COL1A1: variants seen among roughly 807,000 people sequenced by gnomAD.
COL1A1 encodes the protein collagen alpha-1(I) chain.
COL1A1 carries 21 observed loss-of-function variants against 195.7 expected under a neutral mutation model. That is an observed-to-expected ratio of 0.11 (90% confidence interval 0.08 to 0.15). The LOEUF (loss-of-function observed/expected upper bound fraction) is 0.15. COL1A1 is among the 10% of genes least tolerant of loss of function. The probability of loss-of-function intolerance (pLI) is 1.00; values close to 1 mark genes in which losing one functional copy is unlikely to be tolerated. For missense variants in COL1A1, 1,365 were observed against 2,051.0 expected, an observed-to-expected ratio of 0.67 and a Z score of 6.46; for synonymous variants, 749 against 747.3, an observed-to-expected ratio of 1.00 and a Z score of -0.04.
rs902407269 is a variant in COL1A1, at chr17:50,185,837, C to G, written c.4189G>C (p.Glu1397Gln). 1 of 1,613,990 alleles carries G rather than the reference C, an allele frequency of 6.2e-7. No individual in the cohort carries two copies. Among genetic ancestry groups the G allele is most frequent in the Non-Finnish European group, 8.5e-7 (1 of 1,180,044 alleles). ...ALLLQGSNEI[E>Q]IRAEGNSRFT... ...CGGCTGTTGCCCTCGGCGCGGATCT[C>G]GATCTCGTTGGAGCCCTGGAGGAGC... The change falls in exon 50 of 51, where the codon GAG becomes CAG. Residue 1397 changes from glutamate (E) to glutamine (Q), a missense_variant. This residue lies in a region of COL1A1 where 273 missense variants were observed against 338.6 expected (regional missense o/e 0.81). Coordinates refer to ENST00000225964, the MANE Select transcript of COL1A1 (RefSeq NM_000088.4).
In COL1A1 at chr17:50,187,469, G is replaced by A; in HGVS notation, c.3423+15C>T. ...GCTTGGGGCTCAGGAAGAGGAGAGA[G>A]AAGGCATGACTTACTCGGGGACCAG... On this transcript the variant is annotated intron_variant, in intron 46 of 50. Transcript: ENST00000225964. 6.2e-7 allele frequency: 1 copy of A among 1,613,990 alleles called. No individual in the cohort carries two copies.
chr17:50,192,105 T>C (rs929661280), intron 29 of COL1A1, 81 bp from the exon 30 acceptor site: 1 of 1,478,354 alleles, frequency 6.8e-7, no homozygotes, highest in East Asian at 2.3e-5. Context: ...TCCTTCCTCC[T>C]GGGGTCTGGC....
chr17:50,196,998 A>G lies in COL1A1; in HGVS notation c.804+12T>C, dbSNP rs1027400543. ...GGACTTGGGGAGCTTAAATGACTCA[A>G]AGGTGACTCACTCTGTGTCCCTTCA... On this transcript the variant is annotated intron_variant, in intron 11 of 50. Transcript: ENST00000225964. The G allele has an allele frequency of 2.5e-6, 4 of 1,613,878 alleles. No individual in the cohort carries two copies. In the African/African-American group the frequency reaches 5.3e-5, roughly 22 times the overall value.
chr17:50,184,818 T>TCGTG lies in COL1A1; in HGVS notation c.*680_*683dup, dbSNP rs1555571345. 1.6e-3 allele frequency: 253 copies of TCGTG among 156,126 alleles called. 3 individuals carry two copies. The highest frequency in any genetic ancestry group is 7.8e-3 in the African/African-American group (241 of 30,766). 9.7% of individuals were successfully genotyped at this position (156,126 alleles called of 1,614,324 possible). ...CCCCAAATCCGATGTTTCTGCTTTG[T>TCGTG]CGTGGCCCTTCCTGACTCTCCTCCG... On this transcript the variant is annotated 3_prime_UTR_variant, in exon 51 of 51. Transcript: ENST00000225964.
rs747687375 is a variant in COL1A1, at chr17:50,195,533, G to A, written c.1155+34C>T. On this transcript the variant is annotated intron_variant, in intron 17 of 50. Transcript: ENST00000225964. The surrounding 1 kb of genome is among the most constrained non-coding windows in gnomAD (Gnocchi z 4.3). ...CAGGCAAGGACTCTGAGGTTAGAAA[G>A]TGGCAAAGGGGACACTGAGTCGGGG... 1.9e-6 allele frequency: 3 copies of A among 1,614,066 alleles called. No homozygotes were observed. The highest frequency in any genetic ancestry group is 2.5e-6 in the Non-Finnish European group (3 of 1,179,954).
At position 50,186,700 on chromosome 17, in the gene COL1A1, G is replaced by T. The variant is rs781614679; in HGVS notation, c.3754C>A (p.Arg1252Ser). The change falls in exon 48 of 51, where the codon CGC (arginine) becomes AGC (serine). Residue 1252 changes from arginine (R) to serine (S), a missense_variant. Transcript: ENST00000225964. This position sits in a 1 kb window ranked among gnomAD's most constrained non-coding sequence, Gnocchi z 5.3. ...CGGCAGGTGCGGGCGGGGTTCTTGC[G>T]GCTGCCCTCTGGGCTCCGGATGTTC... ...IENIRSPEGS[R>S]KNPARTCRDL... The T allele has an allele frequency of 6.2e-7, 1 of 1,613,618 alleles. No homozygotes were observed.
At position 50,195,077 on chromosome 17, in the gene COL1A1, G is replaced by A; in HGVS notation, c.1323C>T (p.Ser441=). The change falls in exon 20 of 51, where the codon AGC becomes AGT. Residue 441 remains serine, a synonymous_variant. Transcript: ENST00000225964. This position sits in a 1 kb window ranked among gnomAD's most constrained non-coding sequence, Gnocchi z 4.3. ...CTCCCTTAGCACCAGTGTCTCCTTT[G>A]CTGCCAGGAGCACCAGGTTCACCCT... ...GNSGEPGAPG[S]KGDTGAKGEP... 6.2e-7 allele frequency: 1 copy of A among 1,613,764 alleles called. No homozygotes were observed. The highest frequency in any genetic ancestry group is 8.5e-7 in the Non-Finnish European group (1 of 1,179,850).
At position 50,195,517 on chromosome 17, in the gene COL1A1, A is replaced by T; in HGVS notation, c.1156-39T>A. 6.2e-7 allele frequency: 1 copy of T among 1,613,746 alleles called. No homozygotes were observed. The highest frequency in any genetic ancestry group is 8.5e-7 in the Non-Finnish European group (1 of 1,179,906). Reference sequence around the variant, plus strand: ...AAAGGAGTGTCAGCAACAGGCAAGGACTCTGAGGTTAGAAAGTGGCAAAGG... The same window carrying T: ...AAAGGAGTGTCAGCAACAGGCAAGGTCTCTGAGGTTAGAAAGTGGCAAAGG... On this transcript the variant is annotated intron_variant, in intron 17 of 50. Coordinates refer to ENST00000225964, the MANE Select transcript of COL1A1 (RefSeq NM_000088.4). The surrounding 1 kb of genome is among the most constrained non-coding windows in gnomAD (Gnocchi z 4.3).
rs1440675771 is a variant in COL1A1 at position 50,191,678 on chromosome 17, C to T, written c.2127+110G>A. On this transcript the variant is annotated intron_variant, in intron 31 of 50. Transcript: ENST00000225964. ...CCCTGCCCTGGTCTTTTCCCCCCAC[C>T]CCACACCCTATCTCCATGGCTTTGG... 9.9e-6 allele frequency: 13 copies of T among 1,311,570 alleles called. No homozygotes were observed. In the East Asian group the frequency reaches 2.5e-4, roughly 25 times the overall value. 81.2% of individuals were successfully genotyped at this position (1,311,570 alleles called of 1,614,324 possible). A position where few individuals can be genotyped will look rare whatever the true frequency, so the allele number is the denominator to read the frequency against.
rs767286483 is a variant in COL1A1, at chr17:50,195,025, G to A, written c.1353+22C>T. ...TAGGGCAGGGTGGGCTGGGCTGCAA[G>A]AAGGATGGCGGGGAGACTTACAGGC... On this transcript the variant is annotated intron_variant, in intron 20 of 50. Coordinates refer to ENST00000225964, the MANE Select transcript of COL1A1 (RefSeq NM_000088.4). The surrounding 1 kb of genome is among the most constrained non-coding windows in gnomAD (Gnocchi z 4.3). 6.2e-7 allele frequency: 1 copy of A among 1,612,692 alleles called. No homozygotes were observed. Among genetic ancestry groups the A allele is most frequent in the African/African-American group, 1.3e-5 (1 of 74,892 alleles).
At chr17:50,193,326 C>T (rs771164078) in intron 25 of COL1A1, among the ~76,000 whole-genome samples, 47 of 152,110 alleles carry the variant, frequency 3.1e-4, no homozygotes, top group Admixed American at 9.2e-4. Flanking sequence ...CCTTTTGGAC[C>T]TCAAAGAATC....
chr17:50,199,484 C>T (rs1229173708), intron 3 of COL1A1, 31 bp from the exon 4 acceptor site: 4 of 1,614,136 alleles, frequency 2.5e-6, no homozygotes, highest in Non-Finnish European at 1.7e-6. Flanking sequence ...AAACAAGAGG[C>T]CAGGTTAGAG....
chr17:50,194,102 C>A lies in COL1A1; in HGVS notation c.1668+28G>T, dbSNP rs1907343717. 6.2e-7 allele frequency: 1 copy of A among 1,611,324 alleles called. No homozygotes were observed. The highest frequency in any genetic ancestry group is 1.1e-5 in the South Asian group (1 of 90,996). On this transcript the variant is annotated intron_variant, in intron 24 of 50. Coordinates refer to ENST00000225964, the MANE Select transcript of COL1A1 (RefSeq NM_000088.4). This position sits in a 1 kb window ranked among gnomAD's most constrained non-coding sequence, Gnocchi z 6.8. ...AGCAGGGAGGCAGACAGGACAATGG[C>A]AGGGGGTTCAGGGGGAGTGATACTT...
chr17:50,187,626 C>T, intron 45 of COL1A1, 89 bp from the exon 46 acceptor site: 1 of 1,367,430 alleles, frequency 7.3e-7, no homozygotes, highest in Non-Finnish European at 1.0e-6. Flanking sequence ...GCAGTGTGGG[C>T]AACCCATGCC....
chr17:50,189,711 C>A lies in COL1A1; in HGVS notation c.2635G>T (p.Ala879Ser). 6.2e-7 allele frequency: 1 copy of A among 1,614,064 alleles called. No homozygotes were observed. The highest frequency in any genetic ancestry group is 8.5e-7 in the Non-Finnish European group (1 of 1,179,996). ...GPPGATGFPGAAGRVGPPGPS... is the reference protein window; with the variant it reads ...GPPGATGFPGSAGRVGPPGPS... The stretch of plus-strand genomic sequence containing the variant: ...CCAGGAGGACCGACTCGGCCAGCAG[C>A]ACCAGGGAAACCAGTAGCACCCTGG... The change falls in exon 38 of 51, where the codon GCT becomes TCT. Residue 879 changes from alanine (A) to serine (S), a missense_variant. This residue lies in a region of COL1A1 where 671 missense variants were observed against 1,099.9 expected (regional missense o/e 0.61). Transcript: ENST00000225964. This position sits in a 1 kb window ranked among gnomAD's most constrained non-coding sequence, Gnocchi z 5.5.
chr17:50,190,171 A>G lies in COL1A1; in HGVS notation c.2452-63T>C. The G allele has an allele frequency of 4.3e-6, 6 of 1,403,080 alleles. No individual in the cohort carries two copies. The highest frequency in any genetic ancestry group is 6.1e-6 in the Non-Finnish European group (6 of 988,444). 86.9% of individuals were successfully genotyped at this position (1,403,080 alleles called of 1,614,324 possible). On this transcript the variant is annotated intron_variant, in intron 35 of 50. Transcript: ENST00000225964. The surrounding 1 kb of genome is among the most constrained non-coding windows in gnomAD (Gnocchi z 4.7). Reference sequence around the variant, plus strand: ...GGCAGGAGTTTCCACTACCTGGGGGAGGAGCAGTAATGGAGGCAGGAAGAT... The same window carrying G: ...GGCAGGAGTTTCCACTACCTGGGGGGGGAGCAGTAATGGAGGCAGGAAGAT...
chr17:50,186,824 G>C lies in COL1A1; in HGVS notation c.3630C>G (p.His1210Gln), dbSNP rs745320719. 6.2e-7 allele frequency: 1 copy of C among 1,614,172 alleles called. No individual in the cohort carries two copies. The highest frequency in any genetic ancestry group is 1.6e-4 in the Middle Eastern group (1 of 6,062). ...CAGCCCGGTAGTAGCGGCCACCATC[G>C]TGAGCCTTCTCTTGAGGTGGCTGGG... ...FLPQPPQEKA[H>Q]DGGRYYRADD... Residue 1210 changes from histidine (H) to glutamine (Q), a missense_variant, in exon 48 of 51, where the codon CAC (histidine) becomes CAG (glutamine). Around this residue, in one of 5 missense-constraint regions of COL1A1, gnomAD observed 671 missense variants for 1,099.9 expected, o/e 0.61. Transcript: ENST00000225964. This position sits in a 1 kb window ranked among gnomAD's most constrained non-coding sequence, Gnocchi z 5.3.
At position 50,199,853 on chromosome 17, in the gene COL1A1, G is replaced by A. The variant is rs1907929883; in HGVS notation, c.198C>T (p.Gly66=). 1.2e-6 allele frequency: 2 copies of A among 1,614,054 alleles called. No individual in the cohort carries two copies. The highest frequency in any genetic ancestry group is 1.3e-5 in the African/African-American group (1 of 74,912). Residue 66 remains glycine, a synonymous_variant, in exon 2 of 51, where the codon GGC becomes GGT. Coordinates refer to ENST00000225964, the MANE Select transcript of COL1A1 (RefSeq NM_000088.4). ...EPCRICVCDN[G]KVLCDDVICD... ...AGATCACGTCATCGCACAACACCTTGCCGTTGTCGCAGACGCAGATCCGGC... is the reference window on the plus strand; with the variant it reads ...AGATCACGTCATCGCACAACACCTTACCGTTGTCGCAGACGCAGATCCGGC...
chr17:50,185,770 G>GCACT lies in COL1A1; in HGVS notation c.4248+4_4248+7dup. Reference sequence around the variant, plus strand: ...GTGGGGCCCTGCCTGGGGATTCTGGGCACTCACCGTGCAGCCATCGACAGT... The same window carrying GCACT: ...GTGGGGCCCTGCCTGGGGATTCTGGGCACTCACTCACCGTGCAGCCATCGACAGT... On this transcript the variant is annotated splice_region_variant and intron_variant, in intron 50 of 50. Transcript: ENST00000225964. 6.2e-7 allele frequency: 1 copy of GCACT among 1,613,184 alleles called. No homozygotes were observed. The highest frequency in any genetic ancestry group is 1.1e-5 in the South Asian group (1 of 91,074).
Sources: gnomAD v4.1 joint callset for allele counts (sites outside exome capture counted in the v4.1 genomes callset) on GRCh38, gnomAD v4.1.1 for gene constraint, gnomAD v4.1.1 regional missense constraint, Gnocchi (gnomAD v3.1) non-coding constraint, MANE v1.5 for transcripts, NCBI Gene and HGNC (gene_info 2026-07-23, HGNC 2026-07-21) for gene names.